The following BACE1 variants were observed in gnomAD, a reference collection of about 807,000 sequenced individuals.
BACE1 encodes the protein beta-secretase 1.
In BACE1, 21 loss-of-function variants were observed where a neutral mutation model predicts 54.0. The ratio of observed to expected loss-of-function variants is 0.39; its 90% CI spans 0.28 to 0.56. The LOEUF (loss-of-function observed/expected upper bound fraction) is 0.56. BACE1 is among the 20% of genes least tolerant of loss of function. The pLI, the probability that BACE1 is intolerant of heterozygous loss-of-function variation, is 0.63. For missense variants in BACE1, 511 were observed against 661.2 expected (o/e 0.77, Z 2.49); for synonymous variants, 232 against 260.9 (o/e 0.89, Z 1.07).
chr11:117,288,066 C>T lies in BACE1; in HGVS notation c.*1500G>A, dbSNP rs1432999949. 6.6e-6 allele frequency: 1 copy of T among 152,592 alleles called. No homozygotes were observed. The highest frequency in any genetic ancestry group is 1.5e-5 in the Non-Finnish European group (1 of 68,074). 9.5% of individuals were successfully genotyped at this position (152,592 alleles called of 1,614,324 possible). A position where few individuals can be genotyped will look rare whatever the true frequency, so the allele number is the denominator to read the frequency against. Reference sequence around the variant, plus strand: ...TGATAGGGAGGTAATGAACTTGGTCCCCACTACCTAGCCCAAGAACCAGCC... The same window carrying T: ...TGATAGGGAGGTAATGAACTTGGTCTCCACTACCTAGCCCAAGAACCAGCC... On this transcript the variant is annotated 3_prime_UTR_variant, in exon 9 of 9. Coordinates refer to ENST00000313005, the MANE Select transcript of BACE1 (RefSeq NM_012104.6).
intron 5 of BACE1, 137 bp downstream of exon 5, chr11:117,292,917 G>A (rs1591855657): frequency 1.9e-6 from 2 of 1,074,580 alleles, no homozygotes; most frequent in Non-Finnish European, 2.7e-6. Flanking sequence ...GCCCCTGACT[G>A]TTCTAGGCTC....
In BACE1 at chr11:117,295,262, C is replaced by T; in HGVS notation, c.436G>A (p.Val146Ile). Residue 146 changes from valine (V) to isoleucine (I), a missense_variant, in exon 3 of 9, where the codon GTA becomes ATA. Transcript: ENST00000313005. ...ACGTTGGGGCCATGGGGGATGCTTACCAGGTCGGTGCCCAGCTCCCCTTCC... is the reference window on the plus strand; with the variant it reads ...ACGTTGGGGCCATGGGGGATGCTTATCAGGTCGGTGCCCAGCTCCCCTTCC... ...KWEGELGTDL[V>I]SIPHGPNVTV... 6.2e-7 allele frequency: 1 copy of T among 1,614,200 alleles called. No individual in the cohort carries two copies. The highest frequency in any genetic ancestry group is 2.2e-5 in the East Asian group (1 of 44,878).
intron 1 of BACE1, among the ~76,000 whole-genome samples, chr11:117,306,550 G>A (rs1427862042): frequency 6.6e-6 from 1 of 152,182 alleles, no homozygotes; most frequent in Non-Finnish European, 1.5e-5. Context: ...ACTCACGCCT[G>A]TAGTCCCAGC....
At chr11:117,298,646 C>T (rs760247539) in intron 1 of BACE1, among the ~76,000 whole-genome samples, 1 of 152,226 alleles carries the variant, frequency 6.6e-6, no homozygotes, top group Non-Finnish European at 1.5e-5. Context: ...CCTTCTGTCT[C>T]ACAGGTGACA....
intron 5 of BACE1, 180 bp downstream of exon 5, chr11:117,292,874 C>T: frequency 1.5e-6 from 1 of 668,650 alleles, no homozygotes; most frequent in South Asian, 2.4e-5. Context: ...GTCCCTAGGC[C>T]CCAAACCGCA....
At position 117,315,488 on chromosome 11, in the gene BACE1, C is replaced by T. The variant is rs2035085121; in HGVS notation, c.261+47G>A. The T allele has an allele frequency of 2.6e-6, 4 of 1,557,434 alleles. No homozygotes were observed. In the East Asian group the frequency reaches 1.0e-4, roughly 40 times the overall value. On this transcript the variant is annotated intron_variant, in intron 1 of 8. Coordinates refer to ENST00000313005, the MANE Select transcript of BACE1 (RefSeq NM_012104.6). This position sits in a 1 kb window ranked among gnomAD's most constrained non-coding sequence, Gnocchi z 5.5. ...TTGAGGCATCCCCATCCTGTCTCCC[C>T]TCTGCTCATGCAGGCGGAGGGCTAA...
intron 8 of BACE1, 38 bp from the exon 9 acceptor site, chr11:117,289,845 G>T (rs2034366706): frequency 6.4e-7 from 1 of 1,569,620 alleles, no homozygotes; most frequent in Non-Finnish European, 8.8e-7. Context: ...AGCTCTCATT[G>T]TCATAGAGGA....
chr11:117,301,511 A>C lies in BACE1; in HGVS notation c.262-4550T>G, dbSNP rs192954829. ...GTGGTCCCTGCTACTCAGGAGGCTG[A>C]GGTGAAAGGATCGCTTGAGCCCAGG... On this transcript the variant is annotated intron_variant, in intron 1 of 8. Transcript: ENST00000313005. Among the ~76,000 whole-genome samples the C allele has an allele frequency of 1.6e-3, 251 of 152,134 alleles. 2 individuals are homozygous for C. The highest frequency in any genetic ancestry group is 0.014 in the Admixed American group (220 of 15,260).
intron 1 of BACE1, among the ~76,000 whole-genome samples, chr11:117,302,721 A>G (rs930802385): frequency 1.3e-5 from 2 of 152,158 alleles, no homozygotes; most frequent in African/African-American, 4.8e-5. Flanking sequence ...TGTCTCTATT[A>G]AAAACACGAA....
Position 117,315,683 on chromosome 11 carries a change from G to T in BACE1, c.113C>A (p.Pro38His). The T allele has an allele frequency of 6.5e-7, 1 of 1,528,082 alleles. No homozygotes were observed. Among genetic ancestry groups the T allele is most frequent in the South Asian group, 1.2e-5 (1 of 82,064 alleles). The allele number at this position is 1,528,082 out of a possible 1,614,324, so 94.7% of individuals were successfully genotyped here. ...CTCCCGGGGCAGCCGCAGCCCCAGG[G>T]GGGCGCCCCCCAGGCCGCTGCGCAG... ...LPLRSGLGGAPLGLRLPRETD... is the reference protein window; with the variant it reads ...LPLRSGLGGAHLGLRLPRETD... Residue 38 changes from proline (P) to histidine (H), a missense_variant, in exon 1 of 9, where the codon CCC becomes CAC. Transcript: ENST00000313005. This position sits in a 1 kb window ranked among gnomAD's most constrained non-coding sequence, Gnocchi z 5.5.
chr11:117,290,308 G>T lies in BACE1; in HGVS notation c.1264+180C>A, dbSNP rs572750551. 2.1e-4 allele frequency among the ~76,000 whole-genome samples: 32 copies of T among 152,256 alleles called. No homozygotes were observed. In the South Asian group the frequency reaches 5.6e-3, roughly 27 times the overall value. On this transcript the variant is annotated intron_variant, in intron 8 of 8. Transcript: ENST00000313005. The stretch of plus-strand genomic sequence containing the variant: ...TACCAATCCAGGCAGTGGTCATTAT[G>T]GCAGGCAGTACAAAAAAAGGACGAG...
chr11:117,296,118 C>A (rs771084603), intron 2 of BACE1, among the ~76,000 whole-genome samples: 4 of 152,192 alleles, frequency 2.6e-5, no homozygotes, highest in Non-Finnish European at 5.9e-5. Flanking sequence ...CCTCTACTCA[C>A]GTTTGCACAC....
intron 1 of BACE1, among the ~76,000 whole-genome samples, chr11:117,311,634 C>T (rs144441071): frequency 3.4e-4 from 51 of 152,194 alleles, no homozygotes; most frequent in African/African-American, 1.1e-3. Flanking sequence ...TTCAGTCCTA[C>T]TCTTTTTATT....
intron 2 of BACE1, among the ~76,000 whole-genome samples, chr11:117,296,364 C>T (rs1358666339): frequency 1.3e-5 from 2 of 151,990 alleles, no homozygotes; most frequent in Non-Finnish European, 2.9e-5. Flanking sequence ...AGTTCTGATA[C>T]TGGTCTAGGC....
chr11:117,290,472 G>T lies in BACE1; in HGVS notation c.1264+16C>A, dbSNP rs1336777695. 1.2e-6 allele frequency: 2 copies of T among 1,613,140 alleles called. No homozygotes were observed. Among genetic ancestry groups the T allele is most frequent in the African/African-American group, 2.7e-5 (2 of 74,912 alleles). ...TGGAGAGACTGACCCCAAACCCTCA[G>T]CCCTGGCACTCTCACCATGGCAAGC... On this transcript the variant is annotated intron_variant, in intron 8 of 8. Transcript: ENST00000313005.
Position 117,289,555 on chromosome 11 carries a change from C to T in BACE1, c.*11G>A, listed in dbSNP as rs2034352657. The stretch of plus-strand genomic sequence containing the variant: ...TCCAGGGGAATCTCTATCTTCTGCC[C>T]ATGGGCCTCCTCACTTCAGCAGGGA... On this transcript the variant is annotated 3_prime_UTR_variant, in exon 9 of 9. Coordinates refer to ENST00000313005, the MANE Select transcript of BACE1 (RefSeq NM_012104.6). 3 of 1,613,610 alleles carry T rather than the reference C, an allele frequency of 1.9e-6. No individual in the cohort carries two copies. Among genetic ancestry groups the T allele is most frequent in the Admixed American group, 3.3e-5 (2 of 60,002 alleles).
chr11:117,311,194 T>G lies in BACE1; in HGVS notation c.261+4341A>C, dbSNP rs139997568. ...AACATAGTGAGACAATTTGAAAAAATCAGCTGGGGCTGGTGGCATGTGCCT... is the reference window on the plus strand; with the variant it reads ...AACATAGTGAGACAATTTGAAAAAAGCAGCTGGGGCTGGTGGCATGTGCCT... On this transcript the variant is annotated intron_variant, in intron 1 of 8. Coordinates refer to ENST00000313005, the MANE Select transcript of BACE1 (RefSeq NM_012104.6). Among the ~76,000 whole-genome samples, 5 of 151,890 alleles carry G rather than the reference T, an allele frequency of 3.3e-5. No homozygotes were observed. The East Asian group carries it at 9.7e-4, about 29-fold the overall frequency.
At chr11:117,310,752 C>A (rs1396782298) in intron 1 of BACE1, among the ~76,000 whole-genome samples, 1 of 152,092 alleles carries the variant, frequency 6.6e-6, no homozygotes, top group Admixed American at 6.6e-5. Flanking sequence ...GAAACAAACA[C>A]AAAAACAGTT....
intron 2 of BACE1, 43 bp downstream of exon 2, chr11:117,296,830 T>G: frequency 6.8e-7 from 1 of 1,471,530 alleles, no homozygotes; most frequent in East Asian, 2.3e-5. Flanking sequence ...TAGCCCTGGA[T>G]CCTTGGAAAA....
Sources: gnomAD v4.1 joint callset for allele counts (sites outside exome capture counted in the v4.1 genomes callset) on GRCh38, gnomAD v4.1.1 for gene constraint, Gnocchi (gnomAD v3.1) non-coding constraint, MANE v1.5 for transcripts, NCBI Gene and HGNC (gene_info 2026-07-23, HGNC 2026-07-21) for gene names.